The following GALNT1 variants were observed in gnomAD, a reference collection of about 807,000 sequenced individuals.
GALNT1 encodes GalNAc transferase 1.
A neutral mutation model predicts 65.7 loss-of-function variants in GALNT1; 17 were observed. That is an observed-to-expected ratio of 0.26 (90% confidence interval 0.18 to 0.39). The LOEUF (loss-of-function observed/expected upper bound fraction) is 0.39, where lower values mean the gene tolerates loss of function less well. GALNT1 is among the 10% of genes least tolerant of loss of function. The pLI, the probability that GALNT1 is intolerant of heterozygous loss-of-function variation, is 1.00. For synonymous variants in GALNT1, 210 were observed against 219.7 expected, an observed-to-expected ratio of 0.96 and a Z score of 0.39; for missense variants, 460 against 672.8, an observed-to-expected ratio of 0.68 and a Z score of 3.50.
chr18:35,684,763 C>T (rs1242985828), intron 5 of GALNT1, among the ~76,000 whole-genome samples: 1 of 152,216 alleles, frequency 6.6e-6, no homozygotes, highest in Non-Finnish European at 1.5e-5. Context: ...AGCAAATGTG[C>T]AGTCCAAACA....
chr18:35,681,859 C>T (rs916244658), intron 4 of GALNT1, among the ~76,000 whole-genome samples: 4 of 152,074 alleles, frequency 2.6e-5, no homozygotes, highest in African/African-American at 9.7e-5. Flanking sequence ...GGATCCATCC[C>T]TTAAGCTGTA....
chr18:35,604,216 A>G (rs1171451601), intron 1 of GALNT1, among the ~76,000 whole-genome samples: 2 of 152,040 alleles, frequency 1.3e-5, no homozygotes, highest in Non-Finnish European at 2.9e-5. Context: ...AATGGCCTCT[A>G]TTTGCATTCA....
At chr18:35,615,193 A>G (rs2046767752) in intron 1 of GALNT1, among the ~76,000 whole-genome samples, 1 of 152,306 alleles carries the variant, frequency 6.6e-6, no homozygotes, top group East Asian at 1.9e-4. Context: ...ACAAGATTTT[A>G]AGATAGTGTA....
At position 35,674,944 on chromosome 18, in the gene GALNT1, C is replaced by G. The variant is rs562608932; in HGVS notation, c.315-2647C>G. On this transcript the variant is annotated intron_variant, in intron 3 of 11. Transcript: ENST00000269195. ...CTTGCAGTGAGCTGAGATCACGCCA[C>G]TGCACTCCAGCCTGAGCGACAGAGC... 1.0e-3 allele frequency among the ~76,000 whole-genome samples: 141 copies of G among 138,802 alleles called. 1 individual carries two copies. The highest frequency in any genetic ancestry group is 3.3e-3 in the African/African-American group (122 of 36,758). 91.1% of individuals were successfully genotyped at this position (138,802 alleles called of 152,430 possible). A position where few individuals can be genotyped will look rare whatever the true frequency, so the allele number is the denominator to read the frequency against.
chr18:35,686,802 C>G (rs2047874494), intron 5 of GALNT1, among the ~76,000 whole-genome samples: 1 of 152,042 alleles, frequency 6.6e-6, no homozygotes, highest in African/African-American at 2.4e-5. Flanking sequence ...CCCAGCTACT[C>G]AGGAAGCTGA....
At chr18:35,663,976 C>G in intron 3 of GALNT1, 174 bp downstream of exon 3, 1 of 588,942 alleles carries the variant, frequency 1.7e-6, no homozygotes, top group African/African-American at 1.9e-5. Flanking sequence ...CAAGCTTCTA[C>G]TGATTATTAG....
At chr18:35,635,423 A>G (rs1372135089) in intron 1 of GALNT1, among the ~76,000 whole-genome samples, 2 of 152,232 alleles carry the variant, frequency 1.3e-5, no homozygotes, top group African/African-American at 4.8e-5. Flanking sequence ...ACAGCCTGGT[A>G]CATCCTGACT....
chr18:35,636,379 A>G (rs767015891), intron 1 of GALNT1, among the ~76,000 whole-genome samples: 2 of 152,232 alleles, frequency 1.3e-5, no homozygotes, highest in African/African-American at 2.4e-5. Context: ...TGTCTTAAGG[A>G]CAGGGAAAGG....
chr18:35,654,802 G>C lies in GALNT1; in HGVS notation c.139+1G>C. 1 of 1,546,314 alleles carries C rather than the reference G, an allele frequency of 6.5e-7. No homozygotes were observed. Among genetic ancestry groups the C allele is most frequent in the Non-Finnish European group, 8.7e-7 (1 of 1,143,184 alleles). On this transcript the variant is annotated splice_donor_variant, in intron 2 of 11. Coordinates refer to ENST00000269195, the MANE Select transcript of GALNT1 (RefSeq NM_020474.4). LOFTEE classifies it high-confidence loss of function. ...GAGAGAGGACTTCCTGCTGGAGATG[G>C]TGAGTGACATTTTATAATAGAGCTG...
intron 6 of GALNT1, 152 bp downstream of exon 6, chr18:35,687,338 T>C (rs2047884264): frequency 1.5e-6 from 1 of 670,490 alleles, no homozygotes; most frequent in East Asian, 3.1e-5. Context: ...CATATGTGAG[T>C]GTTTTAAAGA....
intron 11 of GALNT1, 26 bp from the exon 12 acceptor site, chr18:35,709,598 T>A: frequency 6.2e-7 from 1 of 1,611,944 alleles, no homozygotes; most frequent in Non-Finnish European, 8.5e-7. Flanking sequence ...TCTTCCACTC[T>A]CATGTTAAGA....
intron 1 of GALNT1, among the ~76,000 whole-genome samples, chr18:35,586,604 ATTGTGTGTGTGT>A (rs902372202): frequency 1.3e-5 from 2 of 151,898 alleles, no homozygotes; most frequent in African/African-American, 4.8e-5. Context: ...TTAGGTCAAA[ATTGTGTGTGTGT>A]TTGTGTGTGT....
Position 35,676,618 on chromosome 18 carries a change from G to A in GALNT1, c.315-973G>A, listed in dbSNP as rs147331756. 2.8e-3 allele frequency among the ~76,000 whole-genome samples: 432 copies of A among 152,266 alleles called. 1 individual carries two copies. Among genetic ancestry groups the A allele is most frequent in the African/African-American group, 9.6e-3 (400 of 41,548 alleles). The stretch of plus-strand genomic sequence containing the variant: ...AGGCGATTACAGTTGAGACTGGGGA[G>A]TGGAAAGTTTGAGGAGCTTGAGAGA... On this transcript the variant is annotated intron_variant, in intron 3 of 11. Coordinates refer to ENST00000269195, the MANE Select transcript of GALNT1 (RefSeq NM_020474.4).
At chr18:35,703,139 C>A (rs2048193672) in intron 10 of GALNT1, 144 bp downstream of exon 10, 1 of 553,848 alleles carries the variant, frequency 1.8e-6, no homozygotes, top group Non-Finnish European at 3.1e-6. Flanking sequence ...AGGAAGCTTT[C>A]AATCCAGTGA....
intron 1 of GALNT1, among the ~76,000 whole-genome samples, chr18:35,640,400 T>C (rs2047146288): frequency 6.6e-6 from 1 of 152,214 alleles, no homozygotes; most frequent in Admixed American, 6.5e-5. Context: ...AAAATTGTGT[T>C]AAACCTTTAA....
intron 9 of GALNT1, among the ~76,000 whole-genome samples, chr18:35,698,141 C>A (rs2048091163): frequency 6.6e-6 from 1 of 152,180 alleles, no homozygotes; most frequent in Non-Finnish European, 1.5e-5. Flanking sequence ...AGCATCTAGA[C>A]CTGCACATCT....
chr18:35,644,102 T>C (rs1002382267), intron 1 of GALNT1, among the ~76,000 whole-genome samples: 3 of 152,200 alleles, frequency 2.0e-5, no homozygotes, highest in Non-Finnish European at 4.4e-5. Context: ...ATTTACATCA[T>C]GACTACCCCA....
intron 1 of GALNT1, among the ~76,000 whole-genome samples, chr18:35,630,687 A>G (rs1414059035): frequency 6.6e-6 from 1 of 152,242 alleles, no homozygotes; most frequent in African/African-American, 2.4e-5. Flanking sequence ...AGCAGGAGGC[A>G]AGAAATAACT....
intron 3 of GALNT1, among the ~76,000 whole-genome samples, chr18:35,673,630 G>A (rs1205259141): frequency 6.6e-6 from 1 of 152,184 alleles, no homozygotes; most frequent in Admixed American, 6.5e-5. Flanking sequence ...TAGAGATGGA[G>A]TCTCACTTTG....
Sources: allele counts gnomAD v4.1 joint callset (sites outside exome capture counted in the v4.1 genomes callset), GRCh38; gene constraint gnomAD v4.1.1; transcripts MANE v1.5; gene names NCBI Gene and HGNC (gene_info 2026-07-23, HGNC 2026-07-21).